Variants in RCOR3 observed in about 807,000 individuals in gnomAD.
RCOR3 encodes the protein REST corepressor 3.
In RCOR3, 13 loss-of-function variants were observed where a neutral mutation model predicts 64.1. That is an observed-to-expected ratio of 0.20 (90% CI 0.13 to 0.32). The LOEUF is 0.32. Among genes scored for constraint, RCOR3 ranks in the 10% least tolerant of loss-of-function variants. The pLI is 1.00. For synonymous variants in RCOR3, 215 were observed against 239.0 expected (o/e 0.90, Z 0.93); for missense variants, 489 against 701.2 (o/e 0.70, Z 3.42).
chr1:211,299,107 A>C (rs1329691692), intron 9 of RCOR3, among the ~76,000 whole-genome samples: 1 of 152,240 alleles, frequency 6.6e-6, no homozygotes, highest in Non-Finnish European at 1.5e-5. Flanking sequence ...GATGTAAAGA[A>C]AATTTTTAAT....
chr1:211,284,041 T>A (rs1475538791), intron 7 of RCOR3, among the ~76,000 whole-genome samples: 2 of 150,898 alleles, frequency 1.3e-5, no homozygotes, highest in East Asian at 3.9e-4. Context: ...TTATTTATTT[T>A]ATTTTATTTT....
At chr1:211,294,021 A>G (rs965788988) in intron 8 of RCOR3, among the ~76,000 whole-genome samples, 6 of 152,160 alleles carry the variant, frequency 3.9e-5, no homozygotes, top group Admixed American at 6.5e-5. Context: ...TATATTCCTC[A>G]TCTGTAAAAC....
At chr1:211,266,182 T>G (rs1311622817) in intron 2 of RCOR3, among the ~76,000 whole-genome samples, 1 of 152,180 alleles carries the variant, frequency 6.6e-6, no homozygotes, top group Non-Finnish European at 1.5e-5. Context: ...TAGTACATAT[T>G]AAGTATATAA....
At chr1:211,264,945 A>G in intron 2 of RCOR3, among the ~76,000 whole-genome samples, 1 of 152,196 alleles carries the variant, frequency 6.6e-6, no homozygotes, top group Non-Finnish European at 1.5e-5. Flanking sequence ...TTTTTATCAT[A>G]TGCCTTTAAT....
chr1:211,304,319 A>G (rs894207242), intron 10 of RCOR3, among the ~76,000 whole-genome samples, 179 bp downstream of exon 10: 1 of 152,186 alleles, frequency 6.6e-6, no homozygotes, highest in Non-Finnish European at 1.5e-5. Context: ...ACTCAAGTCT[A>G]TGTGCATTTT....
chr1:211,290,074 C>G (rs900745710), intron 8 of RCOR3, among the ~76,000 whole-genome samples: 1 of 152,170 alleles, frequency 6.6e-6, no homozygotes, highest in African/African-American at 2.4e-5. Flanking sequence ...TTATTCGTTG[C>G]TATTAGATCT....
chr1:211,278,052 A>T (rs1257141332), intron 5 of RCOR3, 65 bp from the exon 6 acceptor site: 1 of 694,164 alleles, frequency 1.4e-6, no homozygotes, highest in African/African-American at 3.6e-5. Context: ...TAGTAAAGAT[A>T]TCATCAAAAT....
chr1:211,312,661 A>C lies in RCOR3; in HGVS notation c.1076-59A>C, dbSNP rs1701616935. The C allele has an allele frequency of 8.7e-7, 1 of 1,146,794 alleles. No homozygotes were observed. The highest frequency in any genetic ancestry group is 2.3e-5 in the East Asian group (1 of 42,694). 71.0% of individuals were successfully genotyped at this position (1,146,794 alleles called of 1,614,324 possible). A position where few individuals can be genotyped will look rare whatever the true frequency, so the allele number is the denominator to read the frequency against. Reference sequence around the variant, plus strand: ...TATCTTTTGTGTGTGCATGATGTATAGTACACACAGCTCTCCTTATTGATC... The same window carrying C: ...TATCTTTTGTGTGTGCATGATGTATCGTACACACAGCTCTCCTTATTGATC... On this transcript the variant is annotated intron_variant, in intron 10 of 11. Coordinates refer to ENST00000419091, the MANE Select transcript of RCOR3 (RefSeq NM_001136223.3). This position sits in a 1 kb window ranked among gnomAD's most constrained non-coding sequence, Gnocchi z 5.0.
At position 211,312,880 on chromosome 1, in the gene RCOR3, T is replaced by A; in HGVS notation, c.1236T>A (p.Asn412Lys). The A allele has an allele frequency of 6.2e-7, 1 of 1,614,210 alleles. No homozygotes were observed. The highest frequency in any genetic ancestry group is 8.5e-7 in the Non-Finnish European group (1 of 1,180,030). ...CAGAACAAGGAACCCAGGCTTCTAATGGTGATGCTTCTACTTTAGGGGAGG... is the reference window on the plus strand; with the variant it reads ...CAGAACAAGGAACCCAGGCTTCTAAAGGTGATGCTTCTACTTTAGGGGAGG... The part of the protein sequence containing the change: ...WEAEQGTQAS[N>K]GDASTLGEET... Residue 412 changes from asparagine (N) to lysine (K), a missense_variant, in exon 11 of 12, where the codon AAT becomes AAA. Around this residue, in one of 2 missense-constraint regions of RCOR3, gnomAD observed 402 missense variants for 617.0 expected, o/e 0.65. Transcript: ENST00000419091. This position sits in a 1 kb window ranked among gnomAD's most constrained non-coding sequence, Gnocchi z 5.0.
chr1:211,313,111 C>T lies in RCOR3; in HGVS notation c.1317+150C>T, dbSNP rs188963836. 4.0e-6 allele frequency: 6 copies of T among 1,517,226 alleles called. No homozygotes were observed. The African/African-American group carries it at 4.2e-5, about 11-fold the overall frequency. 94.0% of individuals were successfully genotyped at this position (1,517,226 alleles called of 1,614,324 possible). On this transcript the variant is annotated intron_variant, in intron 11 of 11. Transcript: ENST00000419091. The surrounding 1 kb of genome is among the most constrained non-coding windows in gnomAD (Gnocchi z 4.7). The stretch of plus-strand genomic sequence containing the variant: ...CTTCAGTGGTGCATCTCTCGTGACT[C>T]TTAAGTCATAATGACATGCTAAGTT...
In RCOR3 at chr1:211,259,537, C is replaced by G; in HGVS notation, c.-24C>G. ...CCCTGACGCCTGCCTCTTCCCCTCACCTTTCCCCCTCCCCTGTTCTACCAT... is the reference window on the plus strand; with the variant it reads ...CCCTGACGCCTGCCTCTTCCCCTCAGCTTTCCCCCTCCCCTGTTCTACCAT... On this transcript the variant is annotated 5_prime_UTR_variant, in exon 1 of 12. Coordinates refer to ENST00000419091, the MANE Select transcript of RCOR3 (RefSeq NM_001136223.3). The G allele has an allele frequency of 2.6e-6, 4 of 1,542,348 alleles. No individual in the cohort carries two copies. Among genetic ancestry groups the G allele is most frequent in the Non-Finnish European group, 3.5e-6 (4 of 1,143,086 alleles).
chr1:211,259,834 G>C (rs1434572301), intron 1 of RCOR3, 108 bp downstream of exon 1: 1 of 1,112,536 alleles, frequency 9.0e-7, no homozygotes, highest in African/African-American at 2.0e-5. Flanking sequence ...CTCAGAGCCT[G>C]GGCGCTGCGG....
intron 2 of RCOR3, chr1:211,261,110 C>A: frequency 6.6e-6 from 1 of 152,042 alleles, no homozygotes. Context: ...TTTTTTCCTC[C>A]TTACAGTTTG....
chr1:211,297,027 CT>C (rs1245351529), intron 9 of RCOR3, among the ~76,000 whole-genome samples: 1 of 151,896 alleles, frequency 6.6e-6, no homozygotes, highest in African/African-American at 2.4e-5. Context: ...GAAAATGTGT[CT>C]TATCAAAATT....
In RCOR3 at chr1:211,308,694, T is replaced by TG. The variant is rs1186009538; in HGVS notation, c.1076-4026_1076-4025insG. 1.8e-3 allele frequency among the ~76,000 whole-genome samples: 106 copies of TG among 59,840 alleles called. 4 individuals carry two copies. The highest frequency in any genetic ancestry group is 5.4e-3 in the African/African-American group (102 of 18,848). 39.3% of individuals were successfully genotyped at this position (59,840 alleles called of 152,430 possible). ...TTTTGTTTTTTTTTTGTTTTTTTTTTTTTTTGTGTAGTCCAAAATCAATTT... is the reference window on the plus strand; with the variant it reads ...TTTTGTTTTTTTTTTGTTTTTTTTTTGTTTTTGTGTAGTCCAAAATCAATTT... On this transcript the variant is annotated intron_variant, in intron 10 of 11. Transcript: ENST00000419091.
intron 5 of RCOR3, among the ~76,000 whole-genome samples, chr1:211,277,728 T>C (rs1176313029): frequency 6.6e-6 from 1 of 152,344 alleles, no homozygotes; most frequent in Admixed American, 6.5e-5. Context: ...GAAAATGTTC[T>C]GGAATTAGAT....
intron 9 of RCOR3, among the ~76,000 whole-genome samples, chr1:211,297,986 T>C (rs1700008665): frequency 6.6e-6 from 1 of 152,236 alleles, no homozygotes; most frequent in African/African-American, 2.4e-5. Flanking sequence ...ATTAATTTGG[T>C]TGTATTTCTT....
intron 3 of RCOR3, among the ~76,000 whole-genome samples, chr1:211,273,057 A>G (rs1696463577): frequency 2.0e-5 from 3 of 152,228 alleles, no homozygotes; most frequent in Non-Finnish European, 4.4e-5. Flanking sequence ...TAAACAAAAT[A>G]TAATATTTGG....
At chr1:211,268,044 G>C (rs1048088300) in intron 2 of RCOR3, among the ~76,000 whole-genome samples, 1 of 152,190 alleles carries the variant, frequency 6.6e-6, no homozygotes, top group African/African-American at 2.4e-5. Flanking sequence ...ATGATATGCC[G>C]TTAAGACTTG....
Sources: allele counts gnomAD v4.1 joint callset (sites outside exome capture counted in the v4.1 genomes callset), GRCh38; gene constraint gnomAD v4.1.1; regional missense constraint gnomAD v4.1.1; non-coding constraint Gnocchi (gnomAD v3.1); transcripts MANE v1.5; gene names NCBI Gene and HGNC (gene_info 2026-07-23, HGNC 2026-07-21).